Variants in HAUS5 observed in about 807,000 individuals in gnomAD.
The protein encoded by HAUS5 is HAUS augmin like complex subunit 5.
Under a neutral mutation model 94.1 loss-of-function variants are expected in HAUS5, and 67 were observed. That is an observed-to-expected ratio of 0.71 (90% confidence interval 0.58 to 0.87). HAUS5 has a LOEUF of 0.87. Ranked by LOEUF, HAUS5 falls within the 40% of genes least tolerant of loss-of-function variation. HAUS5 has a pLI of 0.00. For missense variants in HAUS5, 739 were observed against 825.6 expected (o/e 0.90, Z 1.29); for synonymous variants, 339 against 355.4 (o/e 0.95, Z 0.52).
Position 35,612,764 on chromosome 19 carries a change from A to G in HAUS5, c.-31A>G, listed in dbSNP as rs554214913. On this transcript the variant is annotated 5_prime_UTR_variant, in exon 1 of 19. Coordinates refer to ENST00000203166, the MANE Select transcript of HAUS5 (RefSeq NM_015302.2). The stretch of plus-strand genomic sequence containing the variant: ...GCGGGCGCCACACTTGAAGAGGCTG[A>G]GGGAGGCGGTGTCGCCGCCGCGGCG... The G allele has an allele frequency of 4.2e-4, 628 of 1,505,622 alleles. 7 individuals are homozygous for G. The South Asian group carries it at 7.2e-3, about 17-fold the overall frequency. 93.3% of individuals were successfully genotyped at this position (1,505,622 alleles called of 1,614,324 possible). A position where few individuals can be genotyped will look rare whatever the true frequency, so the allele number is the denominator to read the frequency against.
At chr19:35,614,957 A>C in intron 4 of HAUS5, 85 bp from the exon 5 acceptor site, 1 of 940,852 alleles carries the variant, frequency 1.1e-6, no homozygotes, top group East Asian at 2.6e-5. Context: ...ACCCTCTGCC[A>C]CCAGTTGAGG....
chr19:35,615,055 T>C lies in HAUS5; in HGVS notation c.233T>C (p.Leu78Ser). ...HQDSPQVRRK[L>S]ELEAAVTRLR... ...TGATCCTCCCAGGTCCGTCGGAAGT[T>C]AGAGCTGGAAGCTGCTGTGACCCGC... Residue 78 changes from leucine to serine, a missense_variant, in exon 5 of 19, where the codon TTA becomes TCA. Coordinates refer to ENST00000203166, the MANE Select transcript of HAUS5 (RefSeq NM_015302.2). The C allele has an allele frequency of 6.3e-7, 1 of 1,596,954 alleles. No individual in the cohort carries two copies. Among genetic ancestry groups the C allele is most frequent in the Non-Finnish European group, 8.5e-7 (1 of 1,171,716 alleles).
At chr19:35,619,900 T>C (rs1160171700) in intron 15 of HAUS5, 112 bp from the exon 16 acceptor site, 2 of 1,529,496 alleles carry the variant, frequency 1.3e-6, no homozygotes, top group Non-Finnish European at 1.8e-6. Flanking sequence ...GCAGCCCTGG[T>C]CTTGGCATCC....
rs1450800078 is a variant in HAUS5, at chr19:35,619,597, C to A, written c.1261-16C>A. The A allele has an allele frequency of 2.6e-6, 4 of 1,557,676 alleles. No homozygotes were observed. In the Admixed American group the frequency reaches 7.2e-5, roughly 28 times the overall value. ...TGATGTTGTGATGCCCCACCCACCC[C>A]TCCCCTTCCCCACAGGTGCTAGCTC... is the stretch of plus-strand genomic sequence containing the variant. On this transcript the variant is annotated splice_polypyrimidine_tract_variant and intron_variant, in intron 14 of 18. Transcript: ENST00000203166.
chr19:35,614,198 T>A, intron 4 of HAUS5, 139 bp downstream of exon 4: 1 of 766,354 alleles, frequency 1.3e-6, no homozygotes. Context: ...TCATAGGGCT[T>A]AAAGTCCAGT....
chr19:35,621,361 G>A (rs1340696388), intron 17 of HAUS5, among the ~76,000 whole-genome samples: 1 of 151,922 alleles, frequency 6.6e-6, no homozygotes, highest in Non-Finnish European at 1.5e-5. Context: ...TTGTTTTTTT[G>A]AGACAAGGTC....
At chr19:35,621,349 TTTTG>T (rs1967206372) in intron 17 of HAUS5, among the ~76,000 whole-genome samples, 1 of 152,130 alleles carries the variant, frequency 6.6e-6, no homozygotes, top group Non-Finnish European at 1.5e-5. Context: ...TTGTTTTTGC[TTTTG>T]TTTTTTTGAG....
Position 35,617,325 on chromosome 19 carries a change from C to A in HAUS5, c.594C>A (p.Phe198Leu), listed in dbSNP as rs2071952924. The A allele has an allele frequency of 6.2e-7, 1 of 1,613,998 alleles. No individual in the cohort carries two copies. The highest frequency in any genetic ancestry group is 8.5e-7 in the Non-Finnish European group (1 of 1,179,862). The change falls in exon 8 of 19, where the codon TTC becomes TTA. Residue 198 changes from phenylalanine to leucine, a missense_variant. Coordinates refer to ENST00000203166, the MANE Select transcript of HAUS5 (RefSeq NM_015302.2). ...CAGCCTGCACCCTCCGGGCCCAGTT[C>A]CTGCAGAACCTCCTGCTTCCCCAGG... ...VRTACTLRAQ[F>L]LQNLLLPQAK...
intron 10 of HAUS5, 103 bp from the exon 11 acceptor site, chr19:35,618,299 G>A: frequency 6.2e-7 from 1 of 1,601,378 alleles, no homozygotes. Context: ...GGGTAGAACT[G>A]AAACCCACTG....
rs1342181050 is a variant in HAUS5, at chr19:35,612,791, T to A, written c.-4T>A. 1.9e-6 allele frequency: 3 copies of A among 1,543,100 alleles called. No individual in the cohort carries two copies. The highest frequency in any genetic ancestry group is 2.6e-6 in the Non-Finnish European group (3 of 1,144,466). Reference sequence around the variant, plus strand: ...GGAGGCGGTGTCGCCGCCGCGGCGCTGTCATGGAGCTAGCGCAGGAAGCGC... The same window carrying A: ...GGAGGCGGTGTCGCCGCCGCGGCGCAGTCATGGAGCTAGCGCAGGAAGCGC... On this transcript the variant is annotated 5_prime_UTR_variant, in exon 1 of 19. Transcript: ENST00000203166.
At chr19:35,619,588 C>CCCCCCCCCCCCCCCCA in intron 14 of HAUS5, 25 bp from the exon 15 acceptor site, 4 of 1,516,920 alleles carry the variant, frequency 2.6e-6, no homozygotes, top group Non-Finnish European at 2.7e-6. Context: ...TGTGATGCCC[C>CCCCCCCCCCCCCCCCA]ACCCACCCCT....
In HAUS5 at chr19:35,623,248, G is replaced by A. The variant is rs373362897; in HGVS notation, c.*255G>A. ...AAGTAATTGAGCACCTCCTCTAGGC[G>A]CTGGGGAGTCCACACTGAACAAAAG... On this transcript the variant is annotated 3_prime_UTR_variant, in exon 19 of 19. Transcript: ENST00000203166. The A allele has an allele frequency of 2.3e-5, 11 of 475,048 alleles. No homozygotes were observed. The highest frequency in any genetic ancestry group is 3.7e-5 in the East Asian group (1 of 26,692). The allele number at this position is 475,048 out of a possible 1,614,324, so 29.4% of individuals were successfully genotyped here.
chr19:35,619,605 C>CAG lies in HAUS5; in HGVS notation c.1261-8_1261-7insAG. The CAG allele has an allele frequency of 1.3e-6, 1 of 768,962 alleles. No homozygotes were observed. The highest frequency in any genetic ancestry group is 2.0e-6 in the Non-Finnish European group (1 of 489,570). 47.6% of individuals were successfully genotyped at this position (768,962 alleles called of 1,614,324 possible). On this transcript the variant is annotated splice_region_variant and splice_polypyrimidine_tract_variant and intron_variant, in intron 14 of 18. Transcript: ENST00000203166. ...TGATGCCCCACCCACCCCTCCCCTT[C>CAG]CCCACAGGTGCTAGCTCTGGTCCAG...
chr19:35,616,508 T>TTTTTG (rs763967831), intron 6 of HAUS5, among the ~76,000 whole-genome samples: 11 of 151,892 alleles, frequency 7.2e-5, no homozygotes, highest in Non-Finnish European at 1.0e-4. Context: ...GGGTTTGGTT[T>TTTTTG]TTTTGTTTTG....
At chr19:35,621,139 G>A (rs1398034672) in intron 17 of HAUS5, among the ~76,000 whole-genome samples, 1 of 152,176 alleles carries the variant, frequency 6.6e-6, no homozygotes, top group Non-Finnish European at 1.5e-5. Context: ...GAGGAGAATT[G>A]ATGAGAAATG....
At chr19:35,619,232 C>T (rs1183399320) in intron 13 of HAUS5, among the ~76,000 whole-genome samples, 183 bp downstream of exon 13, 1 of 152,142 alleles carries the variant, frequency 6.6e-6, no homozygotes, top group Non-Finnish European at 1.5e-5. Flanking sequence ...CACACCACTG[C>T]ACTCCAGCCT....
Position 35,618,483 on chromosome 19 carries a change from C to G in HAUS5, c.885+18C>G. The G allele has an allele frequency of 6.2e-7, 1 of 1,614,130 alleles. No individual in the cohort carries two copies. Among genetic ancestry groups the G allele is most frequent in the Non-Finnish European group, 8.5e-7 (1 of 1,179,984 alleles). On this transcript the variant is annotated intron_variant, in intron 11 of 18. Coordinates refer to ENST00000203166, the MANE Select transcript of HAUS5 (RefSeq NM_015302.2). ...TCATCCAGGTGACCCCAGGGCTCGC[C>G]TCCCCACCACATTCCAAGACTTCCT...
At position 35,617,165 on chromosome 19, in the gene HAUS5, C is replaced by T. The variant is rs1034598526; in HGVS notation, c.527C>T (p.Ala176Val). The change falls in exon 7 of 19, where the codon GCA becomes GTA. Residue 176 changes from alanine (A) to valine (V), a missense_variant. Transcript: ENST00000203166. ...GTGACCTTTGGATCCCTCACGTCGG[C>T]AGCTCTGGGCCTGGAGCCCGTGGTC... The part of the protein sequence containing the change: ...VDVTFGSLTS[A>V]ALGLEPVVLR... 1.9e-6 allele frequency: 3 copies of T among 1,613,964 alleles called. No individual in the cohort carries two copies. Among genetic ancestry groups the T allele is most frequent in the Non-Finnish European group, 2.5e-6 (3 of 1,179,920 alleles).
intron 17 of HAUS5, among the ~76,000 whole-genome samples, chr19:35,622,152 A>G (rs1326754657): frequency 6.6e-6 from 1 of 152,090 alleles, no homozygotes; most frequent in Non-Finnish European, 1.5e-5. Flanking sequence ...GCACTGGAGA[A>G]CCTTGGAGGG....
Sources: gnomAD v4.1 joint callset for allele counts (sites outside exome capture counted in the v4.1 genomes callset) on GRCh38, gnomAD v4.1.1 for gene constraint, MANE v1.5 for transcripts, NCBI Gene and HGNC (gene_info 2026-07-23, HGNC 2026-07-21) for gene names.